Variants in L3MBTL4 observed in about 807,000 individuals in gnomAD.
L3MBTL4 encodes the protein L3MBTL histone methyl-lysine binding protein 4, also known as lethal(3)malignant brain tumor-like protein 4.
L3MBTL4 carries 70 observed loss-of-function variants against 84.5 expected under a neutral mutation model. The observed-to-expected ratio is 0.83, with a 90% CI of 0.68 to 1.01. L3MBTL4 has a LOEUF of 1.01. Among genes scored for constraint, L3MBTL4 ranks in the 50% least tolerant of loss-of-function variants. The pLI is 0.00. For missense variants in L3MBTL4, 715 were observed against 754.8 expected (o/e 0.95, Z 0.62); for synonymous variants, 274 against 259.8 (o/e 1.05, Z -0.52).
rs185223182 is a variant in L3MBTL4 at position 6,146,553 on chromosome 18, G to T, written c.1097-8257C>A. Among the ~76,000 whole-genome samples the T allele has an allele frequency of 8.6e-4, 131 of 152,352 alleles. No individual in the cohort carries two copies. The South Asian group carries it at 0.012, about 14-fold the overall frequency. ...TGCCAGGCTGCCAGGCCTGCGGCAA[G>T]AATGCTTTCAGTGAAAAGGTGTGAG... is the stretch of plus-strand genomic sequence containing the variant. On this transcript the variant is annotated intron_variant, in intron 13 of 18. Transcript: ENST00000317931.
intron 17 of L3MBTL4, among the ~76,000 whole-genome samples, chr18:5,967,881 A>G (rs549701300): frequency 1.2e-4 from 19 of 152,234 alleles, no homozygotes; most frequent in Non-Finnish European, 1.9e-4. Flanking sequence ...GGACTTGTGA[A>G]GGGCGCCAGG....
At chr18:5,997,618 T>A (rs2054033998) in intron 16 of L3MBTL4, among the ~76,000 whole-genome samples, 1 of 152,142 alleles carries the variant, frequency 6.6e-6, no homozygotes, top group South Asian at 2.1e-4. Flanking sequence ...TCCCCCACCT[T>A]GAGTTGTCCC....
chr18:6,153,401 A>C, intron 13 of L3MBTL4, among the ~76,000 whole-genome samples: 1 of 152,162 alleles, frequency 6.6e-6, no homozygotes, highest in East Asian at 1.9e-4. Context: ...TCAATTTCTT[A>C]AAAGTTTTCA....
chr18:6,318,968 T>A (rs577548062), intron 1 of L3MBTL4, among the ~76,000 whole-genome samples: 73 of 152,062 alleles, frequency 4.8e-4, no homozygotes, highest in African/African-American at 9.4e-4. Flanking sequence ...GGAAATTAAC[T>A]CAACAAAGAA....
chr18:6,380,767 G>A (rs907242037), intron 1 of L3MBTL4, among the ~76,000 whole-genome samples: 5 of 152,184 alleles, frequency 3.3e-5, no homozygotes, highest in Non-Finnish European at 5.9e-5. Context: ...TAAGTGCGAC[G>A]AGGTGCTGAG....
At chr18:6,062,020 A>G (rs887510072) in intron 16 of L3MBTL4, among the ~76,000 whole-genome samples, 4 of 152,004 alleles carry the variant, frequency 2.6e-5, no homozygotes, top group African/African-American at 9.6e-5. Flanking sequence ...ACTGTTATCA[A>G]TTAAGACTAT....
chr18:6,034,046 T>G (rs1240636181), intron 16 of L3MBTL4, among the ~76,000 whole-genome samples: 1 of 152,212 alleles, frequency 6.6e-6, no homozygotes, highest in South Asian at 2.1e-4. Flanking sequence ...TTCATTTCAA[T>G]GTGCAGGACT....
chr18:6,181,873 G>A (rs2044489472), intron 12 of L3MBTL4, among the ~76,000 whole-genome samples: 1 of 152,140 alleles, frequency 6.6e-6, no homozygotes, highest in Non-Finnish European at 1.5e-5. Flanking sequence ...AGCATTCCAT[G>A]GTGTATATGT....
chr18:6,389,080 A>G (rs2054939434), intron 1 of L3MBTL4, among the ~76,000 whole-genome samples: 1 of 152,180 alleles, frequency 6.6e-6, no homozygotes, highest in Admixed American at 6.5e-5. Context: ...AAAATAATGA[A>G]TTTAAAAAAT....
chr18:6,196,404 AC>A (rs2045397628), intron 12 of L3MBTL4, among the ~76,000 whole-genome samples: 1 of 151,896 alleles, frequency 6.6e-6, no homozygotes, highest in Non-Finnish European at 1.5e-5. Context: ...TGATCTGCCC[AC>A]CCTGGCCTCC....
intron 5 of L3MBTL4, chr18:6,260,725 T>C (rs1415372615): frequency 6.6e-6 from 1 of 152,232 alleles, no homozygotes; most frequent in Non-Finnish European, 1.5e-5. Context: ...TAAGTTTTAT[T>C]TTCAACATTT....
intron 11 of L3MBTL4, 102 bp from the exon 12 acceptor site, chr18:6,213,361 G>A (rs2046194405): frequency 1.6e-6 from 1 of 609,238 alleles, no homozygotes; most frequent in East Asian, 3.0e-5. Flanking sequence ...TTAATATGCA[G>A]ATCTTCAATA....
In L3MBTL4 at chr18:5,969,572, A is replaced by G; in HGVS notation, c.1445-10T>C. On this transcript the variant is annotated splice_polypyrimidine_tract_variant and intron_variant, in intron 16 of 18. Coordinates refer to ENST00000317931, the MANE Select transcript of L3MBTL4 (RefSeq NM_001330559.2). Reference sequence around the variant, plus strand: ...TGCTCCACCGAGTATTCTGTAAGAGAGGTGGGGTGGGGTGAGGCTCAGGCT... The same window carrying G: ...TGCTCCACCGAGTATTCTGTAAGAGGGGTGGGGTGGGGTGAGGCTCAGGCT... The G allele has an allele frequency of 1.3e-6, 2 of 1,583,822 alleles. No individual in the cohort carries two copies. The highest frequency in any genetic ancestry group is 8.6e-7 in the Non-Finnish European group (1 of 1,161,986).
chr18:6,189,284 G>A (rs550381526), intron 12 of L3MBTL4, among the ~76,000 whole-genome samples: 2 of 152,266 alleles, frequency 1.3e-5, no homozygotes, highest in East Asian at 3.9e-4. Flanking sequence ...CTCATCTCAA[G>A]ATCCTTAACT....
intron 1 of L3MBTL4, among the ~76,000 whole-genome samples, chr18:6,404,927 C>T (rs559302875): frequency 8.6e-5 from 13 of 151,956 alleles, no homozygotes; most frequent in African/African-American, 2.9e-4. Context: ...AACTCCTGGG[C>T]TCAAGCAATC....
At chr18:6,107,743 C>T (rs886950029) in intron 14 of L3MBTL4, among the ~76,000 whole-genome samples, 12 of 152,000 alleles carry the variant, frequency 7.9e-5, no homozygotes, top group Non-Finnish European at 1.2e-4. Context: ...GTAGAAAACT[C>T]GGACATGAAG....
intron 16 of L3MBTL4, 50 bp from the exon 17 acceptor site, chr18:5,969,612 A>T: frequency 6.5e-7 from 1 of 1,542,838 alleles, no homozygotes; most frequent in Non-Finnish European, 8.8e-7. Context: ...GAGAGCAAGC[A>T]CTGCTGTGTC....
intron 13 of L3MBTL4, among the ~76,000 whole-genome samples, chr18:6,148,955 A>G (rs2042769410): frequency 6.6e-6 from 1 of 152,314 alleles, no homozygotes; most frequent in East Asian, 1.9e-4. Flanking sequence ...AATAAATAAG[A>G]CAGTGATTAA....
chr18:5,960,023 T>C lies in L3MBTL4; in HGVS notation c.1677+71A>G, dbSNP rs56125703. 8.6e-4 allele frequency: 228 copies of C among 263,996 alleles called. 4 individuals carry two copies. The highest frequency in any genetic ancestry group is 6.4e-3 in the African/African-American group (142 of 22,302). The allele number at this position is 263,996 out of a possible 1,614,324, so 16.4% of individuals were successfully genotyped here. On this transcript the variant is annotated intron_variant, in intron 18 of 18. Coordinates refer to ENST00000317931, the MANE Select transcript of L3MBTL4 (RefSeq NM_001330559.2). ...ATAGAAATACATACATATATATATA[T>C]ACATATATATATATACACACACATA... is the stretch of plus-strand genomic sequence containing the variant.
Sources: gnomAD v4.1 joint callset for allele counts (sites outside exome capture counted in the v4.1 genomes callset) on GRCh38, gnomAD v4.1.1 for gene constraint, MANE v1.5 for transcripts, NCBI Gene and HGNC (gene_info 2026-07-23, HGNC 2026-07-21) for gene names.